The following NUAK1 variants were observed in gnomAD, a reference collection of about 807,000 sequenced individuals.
The protein encoded by NUAK1 is NUAK family kinase 1.
Under a neutral mutation model 56.9 loss-of-function variants are expected in NUAK1, and 26 were observed. The observed-to-expected ratio is 0.46, with a 90% CI of 0.33 to 0.63. The LOEUF (loss-of-function observed/expected upper bound fraction) is 0.63, where lower values mean the gene tolerates loss of function less well. NUAK1 is among the 30% of genes least tolerant of loss of function. The pLI, the probability that NUAK1 is intolerant of heterozygous loss-of-function variation, is 0.02. For synonymous variants in NUAK1, 337 were observed against 336.0 expected, an observed-to-expected ratio of 1.00 and a Z score of -0.03; for missense variants, 727 against 876.1, an observed-to-expected ratio of 0.83 and a Z score of 2.15.
At chr12:106,087,585 C>CTCAAA (rs761702810) in intron 2 of NUAK1, among the ~76,000 whole-genome samples, 3 of 152,350 alleles carry the variant, frequency 2.0e-5, no homozygotes, top group East Asian at 1.9e-4. Flanking sequence ...ACTCAAACTA[C>CTCAAA]ATAAAGGCAT....
chr12:106,101,812 G>C (rs985090759), intron 2 of NUAK1, among the ~76,000 whole-genome samples: 2 of 152,186 alleles, frequency 1.3e-5, no homozygotes, highest in Non-Finnish European at 2.9e-5. Context: ...ACCAGATGTG[G>C]GAGGCCTTTG....
chr12:106,068,194 G>GT (rs1359684386), intron 6 of NUAK1, among the ~76,000 whole-genome samples: 10 of 152,194 alleles, frequency 6.6e-5, no homozygotes, highest in Non-Finnish European at 1.5e-4. Flanking sequence ...TGTTTTCCCT[G>GT]TAAGTGAGAA....
At chr12:106,111,902 TA>T (rs35552828) in intron 1 of NUAK1, among the ~76,000 whole-genome samples, 52,304 of 123,226 alleles carry the variant, frequency 0.42, 10,323 homozygotes, top group African/African-American at 0.51. Context: ...ACATAGCCTG[TA>T]AAAAAAAAAA....
intron 2 of NUAK1, among the ~76,000 whole-genome samples, chr12:106,098,942 C>T (rs2032722268): frequency 6.6e-6 from 1 of 152,162 alleles, no homozygotes; most frequent in African/African-American, 2.4e-5. Flanking sequence ...TTGTCAATTA[C>T]CTCCCTGCTG....
intron 6 of NUAK1, among the ~76,000 whole-genome samples, chr12:106,068,746 C>T (rs561696246): frequency 6.6e-6 from 1 of 152,350 alleles, no homozygotes; most frequent in East Asian, 1.9e-4. Context: ...CTGACTCTCA[C>T]AGCTTATAAA....
intron 1 of NUAK1, among the ~76,000 whole-genome samples, chr12:106,115,722 G>A (rs1308981490): frequency 6.6e-6 from 1 of 152,248 alleles, no homozygotes; most frequent in Non-Finnish European, 1.5e-5. Context: ...AGAAACCGCA[G>A]GCTGAGCTGA....
intron 1 of NUAK1, among the ~76,000 whole-genome samples, chr12:106,131,695 G>A (rs910075882): frequency 7.9e-5 from 12 of 152,184 alleles, no homozygotes; most frequent in African/African-American, 2.4e-4. Context: ...AGACATTTGT[G>A]TAGAAGTTTC....
chr12:106,098,393 AG>A (rs2032715066), intron 2 of NUAK1, among the ~76,000 whole-genome samples: 2 of 152,212 alleles, frequency 1.3e-5, no homozygotes, highest in African/African-American at 4.8e-5. Flanking sequence ...TGCTTATCAA[AG>A]GACGTGTTTG....
At chr12:106,104,498 T>C (rs111459054) in intron 2 of NUAK1, among the ~76,000 whole-genome samples, 17 of 152,192 alleles carry the variant, frequency 1.1e-4, no homozygotes, top group Non-Finnish European at 2.2e-4. Flanking sequence ...AGTAGACTAG[T>C]GGTTCTCAAA....
chr12:106,094,123 A>G lies in NUAK1; in HGVS notation c.362-7238T>C, dbSNP rs1013450072. Among the ~76,000 whole-genome samples the G allele has an allele frequency of 4.0e-5, 6 of 148,524 alleles. No individual in the cohort carries two copies. In the South Asian group the frequency reaches 8.5e-4, roughly 21 times the overall value. ...TGCACCCAGCCCATCTGTTGATTTA[A>G]AAAAAAAAAGGCCTAGGGCCTAGCA... On this transcript the variant is annotated intron_variant, in intron 2 of 6. Transcript: ENST00000261402.
At position 106,106,543 on chromosome 12, in the gene NUAK1, GA is replaced by G; in HGVS notation, c.241-19del. ...ATAGCAACCTATAAAGTCAGGAAAT[GA>G]AATGTTATTCAGAGAGCTAAACAGA... On this transcript the variant is annotated intron_variant, in intron 1 of 6. Coordinates refer to ENST00000261402, the MANE Select transcript of NUAK1 (RefSeq NM_014840.3). The G allele has an allele frequency of 1.2e-6, 2 of 1,608,144 alleles. No individual in the cohort carries two copies. Among genetic ancestry groups the G allele is most frequent in the South Asian group, 1.1e-5 (1 of 89,916 alleles).
chr12:106,080,249 C>A (rs2032502743), intron 4 of NUAK1, among the ~76,000 whole-genome samples: 1 of 152,226 alleles, frequency 6.6e-6, no homozygotes, highest in Non-Finnish European at 1.5e-5. Flanking sequence ...GGGCAGCAGG[C>A]CATTTCCCCT....
chr12:106,116,056 C>G (rs993890312), intron 1 of NUAK1, among the ~76,000 whole-genome samples: 2 of 152,238 alleles, frequency 1.3e-5, no homozygotes, highest in Non-Finnish European at 2.9e-5. Flanking sequence ...CTTTTATAAC[C>G]TCGCTCACCA....
rs376346267 is a variant in NUAK1, at chr12:106,067,299, T to A, written c.1489A>T (p.Met497Leu). Residue 497 changes from methionine to leucine, a missense_variant, in exon 7 of 7, where the codon ATG (methionine) becomes TTG (leucine). Coordinates refer to ENST00000261402, the MANE Select transcript of NUAK1 (RefSeq NM_014840.3). The surrounding 1 kb of genome is among the most constrained non-coding windows in gnomAD (Gnocchi z 6.0). ...CTGGGGGAGGGGATGCTGCTGCCCA[T>A]CACATCATTACTGTCCAACAGCTCC... ...SSELLDSNDVMGSSIPSPSPP... is the reference protein window; with the variant it reads ...SSELLDSNDVLGSSIPSPSPP... 2.7e-5 allele frequency: 44 copies of A among 1,614,004 alleles called. No homozygotes were observed. Among genetic ancestry groups the A allele is most frequent in the Non-Finnish European group, 3.5e-5 (41 of 1,180,006 alleles).
At chr12:106,086,685 G>A (rs1459314096) in intron 3 of NUAK1, 49 bp downstream of exon 3, 1 of 1,567,088 alleles carries the variant, frequency 6.4e-7, no homozygotes, top group Non-Finnish European at 8.7e-7. Context: ...ATCATGCAGT[G>A]CCATAAAAAC....
intron 4 of NUAK1, among the ~76,000 whole-genome samples, chr12:106,077,849 T>C (rs981009152): frequency 3.3e-5 from 5 of 152,216 alleles, no homozygotes; most frequent in Admixed American, 2.0e-4. Context: ...GGGTTGATGA[T>C]AATAATGTCA....
chr12:106,122,480 G>A (rs1378715629), intron 1 of NUAK1, among the ~76,000 whole-genome samples: 1 of 152,200 alleles, frequency 6.6e-6, no homozygotes, highest in Admixed American at 6.5e-5. Context: ...TGACTGACAT[G>A]CTTAGACTAT....
intron 4 of NUAK1, among the ~76,000 whole-genome samples, chr12:106,080,812 T>C (rs2032510154): frequency 6.6e-6 from 1 of 152,228 alleles, no homozygotes; most frequent in Non-Finnish European, 1.5e-5. Context: ...AGAGAGGATC[T>C]TGCTGCTCAT....
intron 4 of NUAK1, among the ~76,000 whole-genome samples, chr12:106,080,599 T>G (rs1433777391): frequency 1.3e-5 from 2 of 152,134 alleles, no homozygotes; most frequent in Non-Finnish European, 2.9e-5. Context: ...GATAAATAAT[T>G]TCCAATGCCA....
Sources: allele counts gnomAD v4.1 joint callset (sites outside exome capture counted in the v4.1 genomes callset), GRCh38; gene constraint gnomAD v4.1.1; non-coding constraint Gnocchi (gnomAD v3.1); transcripts MANE v1.5; gene names NCBI Gene and HGNC (gene_info 2026-07-23, HGNC 2026-07-21).